Variants in SENP5 observed in about 807,000 individuals in gnomAD.
The protein encoded by SENP5 is sentrin-specific protease 5.
Under a neutral mutation model 74.2 loss-of-function variants are expected in SENP5, and 21 were observed. That is an observed-to-expected ratio of 0.28 (90% CI 0.20 to 0.41). The LOEUF is 0.41. Among genes scored for constraint, SENP5 ranks in the 10% least tolerant of loss-of-function variants. SENP5 has a pLI of 1.00. For synonymous variants in SENP5, 311 were observed against 312.7 expected, an observed-to-expected ratio of 0.99 and a Z score of 0.06; for missense variants, 717 against 889.1, an observed-to-expected ratio of 0.81 and a Z score of 2.46.
At chr3:196,887,542 A>G (rs553291271) in intron 2 of SENP5, among the ~76,000 whole-genome samples, 17 of 151,828 alleles carry the variant, frequency 1.1e-4, no homozygotes, top group South Asian at 2.1e-4. Flanking sequence ...GAGACGCTCA[A>G]TGTACCAGGC....
chr3:196,890,759 A>G (rs1469709021), intron 2 of SENP5, among the ~76,000 whole-genome samples: 1 of 152,226 alleles, frequency 6.6e-6, no homozygotes, highest in Non-Finnish European at 1.5e-5. Context: ...CTAGAACTGA[A>G]AAGAAAGGTC....
intron 6 of SENP5, among the ~76,000 whole-genome samples, chr3:196,906,442 A>G (rs1425905797): frequency 2.0e-5 from 3 of 152,158 alleles, no homozygotes; most frequent in African/African-American, 7.2e-5. Flanking sequence ...TTGTATTTAT[A>G]TTTTTGGTGG....
chr3:196,873,792 T>G (rs1440931557), intron 1 of SENP5, among the ~76,000 whole-genome samples: 1 of 152,126 alleles, frequency 6.6e-6, no homozygotes, highest in Non-Finnish European at 1.5e-5. Context: ...TGAGCTGAGA[T>G]GTGCCACTGC....
intron 1 of SENP5, among the ~76,000 whole-genome samples, chr3:196,878,197 A>C (rs1268944569): frequency 6.6e-6 from 1 of 152,220 alleles, no homozygotes; most frequent in Admixed American, 6.5e-5. Context: ...ATGTTACCAA[A>C]CCCTTTAAAA....
At chr3:196,909,529 C>G (rs527683903) in intron 6 of SENP5, among the ~76,000 whole-genome samples, 1 of 152,230 alleles carries the variant, frequency 6.6e-6, no homozygotes, top group African/African-American at 2.4e-5. Context: ...GCTGGCAAAC[C>G]AAATCCAGCA....
chr3:196,914,747 A>C (rs1202460760), intron 6 of SENP5, among the ~76,000 whole-genome samples: 1 of 151,494 alleles, frequency 6.6e-6, no homozygotes. Flanking sequence ...TTGAACAACT[A>C]TCCATGCAAC....
intron 6 of SENP5, chr3:196,914,586 AATATATATAT>A (rs55692471): frequency 3.3e-4 from 11 of 33,496 alleles, no homozygotes; most frequent in Non-Finnish European, 4.0e-4. Flanking sequence ...AAAAAAAAAA[AATATATATAT>A]ATATATATAT....
chr3:196,918,383 C>T (rs1376838027), intron 6 of SENP5, among the ~76,000 whole-genome samples: 20 of 122,256 alleles, frequency 1.6e-4, no homozygotes, highest in Admixed American at 4.3e-4. Flanking sequence ...GTTCTGTTTT[C>T]GTTTTCTCTT....
At chr3:196,913,647 C>A (rs1314987468) in intron 6 of SENP5, among the ~76,000 whole-genome samples, 3 of 98,090 alleles carry the variant, frequency 3.1e-5, no homozygotes, top group Non-Finnish European at 6.3e-5. Flanking sequence ...ATAAGAAAGG[C>A]TTTTTTTTTT....
intron 2 of SENP5, among the ~76,000 whole-genome samples, chr3:196,898,008 CAA>C (rs139806461): frequency 4.7e-4 from 65 of 138,978 alleles, no homozygotes; most frequent in African/African-American, 1.5e-3. Context: ...CCCGTCTCTA[CAA>C]AAAAAAAAAA....
At chr3:196,903,426 C>T in intron 5 of SENP5, 107 bp from the exon 6 acceptor site, 1 of 620,544 alleles carries the variant, frequency 1.6e-6, no homozygotes, top group Non-Finnish European at 2.7e-6. Flanking sequence ...ATTTTTCCTT[C>T]CTTTTTGTCT....
chr3:196,891,482 T>C (rs1714197140), intron 2 of SENP5, among the ~76,000 whole-genome samples: 1 of 152,100 alleles, frequency 6.6e-6, no homozygotes, highest in Admixed American at 6.6e-5. Flanking sequence ...GAAACAAATA[T>C]AGGCCGGCCA....
At chr3:196,921,328 C>G (rs189027707) in intron 6 of SENP5, among the ~76,000 whole-genome samples, 24 of 152,270 alleles carry the variant, frequency 1.6e-4, no homozygotes, top group African/African-American at 5.5e-4. Flanking sequence ...TGTGGACAGT[C>G]TGTGGCATCA....
Position 196,870,205 on chromosome 3 carries a change from C to G in SENP5, c.-32+2132C>G, listed in dbSNP as rs528358847. On this transcript the variant is annotated intron_variant, in intron 1 of 9. Transcript: ENST00000323460. Reference sequence around the variant, plus strand: ...TGATTTAAAGAATTTGGTAGACGCTCAGAAAGGGTCAACTGGTAAGGTGGT... The same window carrying G: ...TGATTTAAAGAATTTGGTAGACGCTGAGAAAGGGTCAACTGGTAAGGTGGT... Among the ~76,000 whole-genome samples, 23 of 152,304 alleles carry G rather than the reference C, an allele frequency of 1.5e-4. No homozygotes were observed. The South Asian group carries it at 4.6e-3, about 30-fold the overall frequency.
chr3:196,880,947 CT>C (rs1560140354), intron 1 of SENP5, among the ~76,000 whole-genome samples: 1 of 143,068 alleles, frequency 7.0e-6, no homozygotes, highest in Non-Finnish European at 1.5e-5. Context: ...GGCCCTTTTC[CT>C]TTTTTATTTT....
At chr3:196,884,942 G>A (rs1189889003) in intron 1 of SENP5, among the ~76,000 whole-genome samples, 2 of 152,044 alleles carry the variant, frequency 1.3e-5, no homozygotes, top group African/African-American at 4.8e-5. Context: ...TACAGCAAAT[G>A]GCTTTTTGTT....
chr3:196,921,972 C>T (rs901940311), intron 6 of SENP5, among the ~76,000 whole-genome samples: 2 of 152,174 alleles, frequency 1.3e-5, no homozygotes, highest in African/African-American at 4.8e-5. Context: ...ATCACCCACT[C>T]TACAACTGGA....
intron 6 of SENP5, among the ~76,000 whole-genome samples, chr3:196,911,092 G>A (rs1715104993): frequency 6.6e-6 from 1 of 152,170 alleles, no homozygotes; most frequent in Non-Finnish European, 1.5e-5. Flanking sequence ...AGACTTAATT[G>A]TAAAACACAA....
rs879009318 is a variant in SENP5, at chr3:196,899,721, A to T, written c.1569A>T (p.Lys523Asn). Reference sequence around the variant, plus strand: ...GCAGTTTGGTTCCACTCAGTGAAAAAGAAGTCCTTGGAAGATTAAAAGATG... The same window carrying T: ...GCAGTTTGGTTCCACTCAGTGAAAATGAAGTCCTTGGAAGATTAAAAGATG... Reference protein sequence around the residue: ...KYGSLVPLSEKEVLGRLKDVF... With the variant: ...KYGSLVPLSENEVLGRLKDVF... Residue 523 changes from lysine (K) to asparagine (N), a missense_variant, in exon 3 of 10, where the codon AAA becomes AAT. Around this residue, in one of 4 missense-constraint regions of SENP5, gnomAD observed 64 missense variants for 100.8 expected, o/e 0.64. Transcript: ENST00000323460. The T allele has an allele frequency of 1.9e-6, 3 of 1,610,896 alleles. No individual in the cohort carries two copies.
Sources: allele counts gnomAD v4.1 joint callset (sites outside exome capture counted in the v4.1 genomes callset), GRCh38; gene constraint gnomAD v4.1.1; regional missense constraint gnomAD v4.1.1; transcripts MANE v1.5; gene names NCBI Gene and HGNC (gene_info 2026-07-23, HGNC 2026-07-21).